Variants in NPAS3 observed in about 807,000 individuals in gnomAD.
NPAS3 encodes neuronal PAS domain protein 3.
NPAS3 carries 14 observed loss-of-function variants against 73.1 expected under a neutral mutation model. The observed-to-expected ratio is 0.19, with a 90% CI of 0.13 to 0.30. NPAS3 has a LOEUF of 0.30. Among genes scored for constraint, NPAS3 ranks in the 10% least tolerant of loss-of-function variants. The pLI, the probability that NPAS3 is intolerant of heterozygous loss-of-function variation, is 1.00. For synonymous variants in NPAS3, 620 were observed against 541.5 expected (o/e 1.14, Z -2.01); for missense variants, 1,096 against 1,250.0 (o/e 0.88, Z 1.86).
chr14:33,803,469 A>AT (rs1318596052), downstream of NPAS3: 1 of 152,192 alleles, frequency 6.6e-6, no homozygotes, highest in Admixed American at 6.5e-5. Flanking sequence ...TACTTGAAGG[A>AT]TTTAAGTAGG....
chr14:33,442,412 T>TA (rs59873637), intron 4 of NPAS3, among the ~76,000 whole-genome samples: 119 of 147,636 alleles, frequency 8.1e-4, no homozygotes, highest in Non-Finnish European at 9.0e-4. Context: ...GTTCCTGTCT[T>TA]AAAAAAAAAA....
intron 9 of NPAS3, among the ~76,000 whole-genome samples, chr14:33,791,602 T>A (rs560171714): frequency 6.6e-6 from 1 of 152,334 alleles, no homozygotes; most frequent in Non-Finnish European, 1.5e-5. Flanking sequence ...TGGCTGGATG[T>A]CTATTTCCAA....
intron 3 of NPAS3, among the ~76,000 whole-genome samples, chr14:33,265,705 G>A (rs2040782791): frequency 6.6e-6 from 1 of 152,020 alleles, no homozygotes; most frequent in African/African-American, 2.4e-5. Flanking sequence ...GCATGCATAA[G>A]TCAGCAATGT....
At chr14:32,945,610 A>G (rs1453719103) in intron 1 of NPAS3, among the ~76,000 whole-genome samples, 1 of 152,190 alleles carries the variant, frequency 6.6e-6, no homozygotes, top group Non-Finnish European at 1.5e-5. Context: ...ACCAGTGTGG[A>G]AGGGCCTGCG....
At chr14:33,113,627 A>G (rs893453859) in intron 2 of NPAS3, among the ~76,000 whole-genome samples, 2 of 152,116 alleles carry the variant, frequency 1.3e-5, no homozygotes, top group Non-Finnish European at 2.9e-5. Context: ...GGACAATTTG[A>G]CTTCCTCTTT....
chr14:33,478,583 A>G (rs2051158609), intron 4 of NPAS3, among the ~76,000 whole-genome samples: 1 of 152,162 alleles, frequency 6.6e-6, no homozygotes, highest in Non-Finnish European at 1.5e-5. Flanking sequence ...TTTATATCAT[A>G]CCTGGAATTC....
chr14:33,772,360 G>A (rs1183255125), intron 7 of NPAS3, among the ~76,000 whole-genome samples: 1 of 152,038 alleles, frequency 6.6e-6, no homozygotes, highest in African/African-American at 2.4e-5. Flanking sequence ...CCCAACTTTG[G>A]CCCCCTTCAG....
In NPAS3 at chr14:33,205,387, G is replaced by A. The variant is rs1439310029; in HGVS notation, c.141-9795G>A. Among the ~76,000 whole-genome samples the A allele has an allele frequency of 7.2e-5, 11 of 152,102 alleles. No homozygotes were observed. In the East Asian group the frequency reaches 2.1e-3, roughly 29 times the overall value. ...GGCAATATGTTTGTTTACATACTTGGTTATTTTTTCGTAAGGTTTTCTATA... is the reference window on the plus strand; with the variant it reads ...GGCAATATGTTTGTTTACATACTTGATTATTTTTTCGTAAGGTTTTCTATA... On this transcript the variant is annotated intron_variant, in intron 2 of 11. Coordinates refer to ENST00000356141, the Ensembl canonical transcript of NPAS3.
At position 33,586,452 on chromosome 14, in the gene NPAS3, T is replaced by C. The variant is rs144197789; in HGVS notation, c.558+26242T>C. Among the ~76,000 whole-genome samples, 471 of 152,198 alleles carry C rather than the reference T, an allele frequency of 3.1e-3. 5 individuals carry two copies. The highest frequency in any genetic ancestry group is 0.01 in the African/African-American group (433 of 41,566). On this transcript the variant is annotated intron_variant, in intron 5 of 11. Coordinates refer to ENST00000356141, the Ensembl canonical transcript of NPAS3. ...GAATATAATAACTGAAAGATACTGT[T>C]GAATAAAGTCAGCAGAAGTAATGAT...
chr14:33,031,858 A>G (rs945904042), intron 1 of NPAS3, among the ~76,000 whole-genome samples: 1 of 152,252 alleles, frequency 6.6e-6, no homozygotes, highest in Non-Finnish European at 1.5e-5. Context: ...TAGGTAGGGT[A>G]AATGATACAA....
intron 1 of NPAS3, among the ~76,000 whole-genome samples, chr14:33,037,499 AAAG>A (rs199922000): frequency 0.01 from 1,564 of 151,370 alleles, 21 homozygotes; most frequent in African/African-American, 0.03. Flanking sequence ...AAAAAAGAAA[AAAG>A]AAAAAAAGAA....
At chr14:33,087,447 T>C (rs987629461) in intron 2 of NPAS3, among the ~76,000 whole-genome samples, 17 of 152,022 alleles carry the variant, frequency 1.1e-4, no homozygotes, top group Non-Finnish European at 2.2e-4. Flanking sequence ...TCTGTGCAAA[T>C]GATACCATTA....
chr14:32,970,879 C>T (rs921242732), intron 1 of NPAS3, among the ~76,000 whole-genome samples: 8 of 152,208 alleles, frequency 5.3e-5, no homozygotes, highest in African/African-American at 1.9e-4. Flanking sequence ...CTTCTTTTAA[C>T]GGCATTTGCA....
At chr14:32,944,606 A>G (rs148461984) in intron 1 of NPAS3, among the ~76,000 whole-genome samples, 2 of 152,138 alleles carry the variant, frequency 1.3e-5, no homozygotes, top group East Asian at 1.9e-4. Context: ...CTGTAACTGA[A>G]TGGTATTTTT....
At chr14:33,380,923 G>C (rs1460713282) in intron 4 of NPAS3, among the ~76,000 whole-genome samples, 1 of 151,946 alleles carries the variant, frequency 6.6e-6, no homozygotes, top group Non-Finnish European at 1.5e-5. Context: ...ATTTTAGGTT[G>C]ATACAATGTT....
chr14:33,336,245 G>T (rs1164297747), intron 3 of NPAS3, among the ~76,000 whole-genome samples: 1 of 152,164 alleles, frequency 6.6e-6, no homozygotes, highest in Non-Finnish European at 1.5e-5. Flanking sequence ...CATGGGTTAG[G>T]AATCTGATTA....
intron 1 of NPAS3, among the ~76,000 whole-genome samples, chr14:32,967,544 C>T (rs1216667003): frequency 6.6e-6 from 1 of 152,046 alleles, no homozygotes; most frequent in Non-Finnish European, 1.5e-5. Flanking sequence ...ATAGCTATTT[C>T]CTAAAAGAAG....
intron 6 of NPAS3, among the ~76,000 whole-genome samples, chr14:33,677,334 T>A (rs1178251706): frequency 1.3e-5 from 2 of 152,204 alleles, no homozygotes; most frequent in Non-Finnish European, 2.9e-5. Context: ...GTTTAAATGT[T>A]AATTTTTCTC....
chr14:33,041,455 C>T (rs2040344586), intron 1 of NPAS3, among the ~76,000 whole-genome samples: 1 of 152,132 alleles, frequency 6.6e-6, no homozygotes, highest in Admixed American at 6.5e-5. Flanking sequence ...ATTGAAAGTT[C>T]TCAACAACCT....
Sources: allele counts gnomAD v4.1 joint callset (sites outside exome capture counted in the v4.1 genomes callset), GRCh38; gene constraint gnomAD v4.1.1; transcripts MANE v1.5; gene names NCBI Gene and HGNC (gene_info 2026-07-23, HGNC 2026-07-21).